The following RIPK4 variants were observed in gnomAD, a reference collection of about 807,000 sequenced individuals.
The protein encoded by RIPK4 is receptor-interacting serine/threonine-protein kinase 4.
RIPK4 carries 17 observed loss-of-function variants against 42.9 expected under a neutral mutation model. That is an observed-to-expected ratio of 0.40 (90% CI 0.27 to 0.59). The LOEUF is 0.59. RIPK4 is among the 20% of genes least tolerant of loss of function. The pLI, the probability that RIPK4 is intolerant of heterozygous loss-of-function variation, is 0.47. For missense variants in RIPK4, 897 were observed against 1,104.4 expected, an observed-to-expected ratio of 0.81 and a Z score of 2.66; for synonymous variants, 498 against 499.1, an observed-to-expected ratio of 1.00 and a Z score of 0.03.
chr21:41,743,479 C>G (rs906248228), intron 7 of RIPK4, among the ~76,000 whole-genome samples: 1 of 152,228 alleles, frequency 6.6e-6, no homozygotes, highest in African/African-American at 2.4e-5. Flanking sequence ...TATGCGAAGG[C>G]GTGGGTGTGT....
At chr21:41,749,290 C>T (rs2061181023) in intron 3 of RIPK4, 87 bp from the exon 4 acceptor site, 2 of 1,333,964 alleles carry the variant, frequency 1.5e-6, no homozygotes, top group East Asian at 2.3e-5. Flanking sequence ...CGTGAAGACA[C>T]CTGTTCTGAA....
chr21:41,754,001 T>C (rs2146054515), intron 2 of RIPK4, among the ~76,000 whole-genome samples: 1 of 152,324 alleles, frequency 6.6e-6, no homozygotes, highest in African/African-American at 2.4e-5. Context: ...ACTATTTACA[T>C]TTAACTGCTT....
intron 2 of RIPK4, among the ~76,000 whole-genome samples, chr21:41,754,419 C>T (rs1157756031): frequency 6.6e-6 from 1 of 152,226 alleles, no homozygotes; most frequent in Non-Finnish European, 1.5e-5. Flanking sequence ...TTCCTGCGGC[C>T]TGTCAGGGTA....
intron 7 of RIPK4, among the ~76,000 whole-genome samples, chr21:41,743,480 G>A (rs868664198): frequency 1.1e-4 from 16 of 152,366 alleles, no homozygotes; most frequent in Middle Eastern, 3.4e-3. Flanking sequence ...ATGCGAAGGC[G>A]TGGGTGTGTA....
chr21:41,758,113 T>C (rs546288301), intron 1 of RIPK4, among the ~76,000 whole-genome samples: 19 of 148,490 alleles, frequency 1.3e-4, no homozygotes, highest in African/African-American at 4.8e-4. Context: ...GTATTTATTA[T>C]TTTAGCCATT....
intron 3 of RIPK4, 138 bp downstream of exon 3, chr21:41,750,957 CGT>C: frequency 9.6e-7 from 1 of 1,040,830 alleles, no homozygotes; most frequent in Non-Finnish European, 1.4e-6. Context: ...GGATTACAGG[CGT>C]GAGTCACCGC....
chr21:41,758,021 AAT>A (rs1195745927), intron 1 of RIPK4, among the ~76,000 whole-genome samples: 167 of 51,344 alleles, frequency 3.3e-3, no homozygotes, highest in Non-Finnish European at 4.2e-3. Flanking sequence ...AAAAAAAAAA[AAT>A]ATATATATAT....
In RIPK4 at chr21:41,742,642, C is replaced by T. The variant is rs908610039; in HGVS notation, c.1196-645G>A. ...TGCCTGGAATGCTGAAACCCTGCAA[C>T]GAGACTCTCCTCCGCCCTCATGTGA... is the stretch of plus-strand genomic sequence containing the variant. On this transcript the variant is annotated intron_variant, in intron 7 of 7. Coordinates refer to ENST00000332512, the MANE Select transcript of RIPK4 (RefSeq NM_020639.3). The surrounding 1 kb of genome is among the most constrained non-coding windows in gnomAD (Gnocchi z 5.1). Among the ~76,000 whole-genome samples, 3 of 152,198 alleles carry T rather than the reference C, an allele frequency of 2.0e-5. No homozygotes were observed. Among genetic ancestry groups the T allele is most frequent in the African/African-American group, 2.4e-5 (1 of 41,448 alleles).
intron 1 of RIPK4, among the ~76,000 whole-genome samples, 165 bp downstream of exon 1, chr21:41,766,695 T>G (rs1451890305): frequency 6.6e-6 from 1 of 151,654 alleles, no homozygotes; most frequent in Non-Finnish European, 1.5e-5. Context: ...ACAGGCCGAG[T>G]GGACATTGTC....
At chr21:41,752,180 C>G (rs1321515727) in intron 2 of RIPK4, among the ~76,000 whole-genome samples, 1 of 152,176 alleles carries the variant, frequency 6.6e-6, no homozygotes, top group Non-Finnish European at 1.5e-5. Flanking sequence ...GACTCTTGAT[C>G]CAGGGGGAGT....
intron 1 of RIPK4, among the ~76,000 whole-genome samples, chr21:41,765,770 C>T (rs978199607): frequency 1.4e-4 from 22 of 152,268 alleles, no homozygotes; most frequent in Admixed American, 8.5e-4. Flanking sequence ...AAAATACAAG[C>T]ATAGCTTCCA....
chr21:41,752,930 A>T (rs2061192759), intron 2 of RIPK4, among the ~76,000 whole-genome samples: 1 of 152,234 alleles, frequency 6.6e-6, no homozygotes, highest in African/African-American at 2.4e-5. Context: ...GCAAACCACC[A>T]TGGCACATAT....
At chr21:41,757,100 C>T (rs932713363) in intron 1 of RIPK4, among the ~76,000 whole-genome samples, 4 of 152,184 alleles carry the variant, frequency 2.6e-5, no homozygotes, top group Admixed American at 2.6e-4. Context: ...GGGGGGTCCA[C>T]GTGTGTGAAT....
chr21:41,766,767 G>A (rs1183698343), intron 1 of RIPK4, 93 bp downstream of exon 1: 3 of 1,342,898 alleles, frequency 2.2e-6, no homozygotes, highest in Admixed American at 2.3e-5. Flanking sequence ...GGGTGAGTTC[G>A]GGAGAGAGAG....
intron 1 of RIPK4, among the ~76,000 whole-genome samples, chr21:41,759,459 G>C (rs1392477176): frequency 6.6e-6 from 1 of 152,088 alleles, no homozygotes; most frequent in South Asian, 2.1e-4. Context: ...GGAGAGATCC[G>C]ACCTCCTATA....
At chr21:41,759,851 C>G (rs1411037717) in intron 1 of RIPK4, among the ~76,000 whole-genome samples, 1 of 152,228 alleles carries the variant, frequency 6.6e-6, no homozygotes, top group African/African-American at 2.4e-5. Context: ...CCCCTGGATC[C>G]TACTGTTTAG....
intron 1 of RIPK4, among the ~76,000 whole-genome samples, chr21:41,761,925 G>A (rs1045099686): frequency 6.6e-5 from 10 of 152,222 alleles, no homozygotes; most frequent in Non-Finnish European, 7.3e-5. Flanking sequence ...AGCGCACCGA[G>A]TTCAGCAAGT....
At chr21:41,756,178 A>T (rs1452334795) in intron 2 of RIPK4, among the ~76,000 whole-genome samples, 1 of 152,176 alleles carries the variant, frequency 6.6e-6, no homozygotes, top group Non-Finnish European at 1.5e-5. Context: ...GCAAGGACAC[A>T]CCTGGCCCAC....
Position 41,751,080 on chromosome 21 carries a change from G to A in RIPK4, c.623+17C>T, listed in dbSNP as rs1410200703. On this transcript the variant is annotated intron_variant, in intron 3 of 7. Transcript: ENST00000332512. This position sits in a 1 kb window ranked among gnomAD's most constrained non-coding sequence, Gnocchi z 4.5. ...CCCCTGGCACCCACAGGGGATGGGGGGCGGCATGTCACACACCTGTATACA... is the reference window on the plus strand; with the variant it reads ...CCCCTGGCACCCACAGGGGATGGGGAGCGGCATGTCACACACCTGTATACA... 6.2e-7 allele frequency: 1 copy of A among 1,607,404 alleles called. No individual in the cohort carries two copies. Among genetic ancestry groups the A allele is most frequent in the Non-Finnish European group, 8.5e-7 (1 of 1,175,660 alleles).
Sources: gnomAD v4.1 joint callset for allele counts (sites outside exome capture counted in the v4.1 genomes callset) on GRCh38, gnomAD v4.1.1 for gene constraint, Gnocchi (gnomAD v3.1) non-coding constraint, MANE v1.5 for transcripts, NCBI Gene and HGNC (gene_info 2026-07-23, HGNC 2026-07-21) for gene names.